The following SENP2 variants were observed in gnomAD, a reference collection of about 807,000 sequenced individuals.
SENP2 encodes sentrin-specific protease 2.
In SENP2, 16 loss-of-function variants were observed where a neutral mutation model predicts 86.3. The ratio of observed to expected loss-of-function variants is 0.19; its 90% CI spans 0.13 to 0.28. The LOEUF (loss-of-function observed/expected upper bound fraction) is 0.28, where lower values mean the gene tolerates loss of function less well. Among genes scored for constraint, SENP2 ranks in the 10% least tolerant of loss-of-function variants. The pLI, the probability that SENP2 is intolerant of heterozygous loss-of-function variation, is 1.00. For missense variants in SENP2, 552 were observed against 703.0 expected, an observed-to-expected ratio of 0.79 and a Z score of 2.43; for synonymous variants, 222 against 238.7, an observed-to-expected ratio of 0.93 and a Z score of 0.64.
chr3:185,597,350 G>GTTTA (rs1203779773), intron 2 of SENP2, among the ~76,000 whole-genome samples: 3 of 151,870 alleles, frequency 2.0e-5, no homozygotes, highest in South Asian at 2.1e-4. Context: ...TTATTTATTT[G>GTTTA]TTTATTTATT....
intron 8 of SENP2, 76 bp downstream of exon 8, chr3:185,611,821 T>C (rs1185278240): frequency 8.5e-6 from 9 of 1,062,802 alleles, no homozygotes; most frequent in African/African-American, 1.6e-5. Flanking sequence ...AGGTAGAAAA[T>C]TGACATTCAA....
intron 5 of SENP2, among the ~76,000 whole-genome samples, chr3:185,605,413 T>C (rs1269692360): frequency 6.6e-6 from 1 of 152,104 alleles, no homozygotes; most frequent in Non-Finnish European, 1.5e-5. Context: ...GATCATGGAT[T>C]ACCAACATCA....
intron 1 of SENP2, among the ~76,000 whole-genome samples, chr3:185,588,259 G>A (rs1243701556): frequency 3.4e-5 from 5 of 149,012 alleles, no homozygotes; most frequent in African/African-American, 9.9e-5. Context: ...GGGTTTCACC[G>A]TGGTCTCGAT....
intron 5 of SENP2, among the ~76,000 whole-genome samples, chr3:185,604,308 GTTTCT>G (rs1334434819): frequency 2.0e-5 from 3 of 152,006 alleles, no homozygotes; most frequent in East Asian, 1.9e-4. Flanking sequence ...GTATGATTTC[GTTTCT>G]TTTAAGTTTT....
Position 185,630,074 on chromosome 3 carries a change from A to T in SENP2, c.*230A>T. ...GCCTGCTCAGAGCTTTGGACTGTTC[A>T]ACCCACACAAGAACAAACGCTAACT... On this transcript the variant is annotated 3_prime_UTR_variant, in exon 17 of 17. Coordinates refer to ENST00000296257, the MANE Select transcript of SENP2 (RefSeq NM_021627.3). 3 of 448,304 alleles carry T rather than the reference A, an allele frequency of 6.7e-6. No homozygotes were observed. The highest frequency in any genetic ancestry group is 1.2e-5 in the Non-Finnish European group (3 of 246,556). The allele number at this position is 448,304 out of a possible 1,614,324, so 27.8% of individuals were successfully genotyped here. A position where few individuals can be genotyped will look rare whatever the true frequency, so the allele number is the denominator to read the frequency against.
At chr3:185,628,796 G>A (rs554645403) in intron 16 of SENP2, among the ~76,000 whole-genome samples, 43 of 152,286 alleles carry the variant, frequency 2.8e-4, no homozygotes, top group Non-Finnish European at 4.0e-4. Context: ...GTGAGCCACC[G>A]CGCCTGGCCA....
chr3:185,602,300 G>A (rs866974921), intron 5 of SENP2, among the ~76,000 whole-genome samples: 1 of 152,154 alleles, frequency 6.6e-6, no homozygotes, highest in Non-Finnish European at 1.5e-5. Context: ...GTAGGGCTAG[G>A]AAAGAAAGTA....
intron 5 of SENP2, among the ~76,000 whole-genome samples, chr3:185,605,387 G>A (rs894348734): frequency 4.0e-5 from 6 of 151,652 alleles, no homozygotes; most frequent in Non-Finnish European, 8.8e-5. Context: ...AAAAGAATAA[G>A]GGCATTCACT....
Position 185,619,429 on chromosome 3 carries a change from C to A in SENP2, c.1373C>A (p.Thr458Asn). The A allele has an allele frequency of 6.2e-7, 1 of 1,614,078 alleles. No individual in the cohort carries two copies. Among genetic ancestry groups the A allele is most frequent in the Non-Finnish European group, 8.5e-7 (1 of 1,179,992 alleles). Reference sequence around the variant, plus strand: ...GGTTACCAAGCAGTGAAACGATGGACCAAAGGGGTAAATCTCTTTGAACAA... The same window carrying A: ...GGTTACCAAGCAGTGAAACGATGGAACAAAGGGGTAAATCTCTTTGAACAA... ...SGGYQAVKRWTKGVNLFEQEI... is the reference protein window; with the variant it reads ...SGGYQAVKRWNKGVNLFEQEI... The change falls in exon 13 of 17, where the codon ACC (threonine) becomes AAC (asparagine). Residue 458 changes from threonine to asparagine, a missense_variant. Physicochemically the swap from Thr to Asn is moderately conservative, Grantham distance 65 (BLOSUM62 0). Transcript: ENST00000296257.
In SENP2 at chr3:185,590,149, C is replaced by T; in HGVS notation, c.137C>T (p.Pro46Leu). The change falls in exon 2 of 17, where the codon CCA becomes CTA. Residue 46 changes from proline (P) to leucine (L), a missense_variant. Pro to Leu is a moderately conservative substitution (Grantham distance 98). This residue lies in a region of SENP2 where 383 missense variants were observed against 427.3 expected (regional missense o/e 0.90). Coordinates refer to ENST00000296257, the MANE Select transcript of SENP2 (RefSeq NM_021627.3). ...TCTACAGTGGACACTGATGAAATACCAGCCAAAAGACCAAGATTAGGTACT... is the reference window on the plus strand; with the variant it reads ...TCTACAGTGGACACTGATGAAATACTAGCCAAAAGACCAAGATTAGGTACT... ...LFSTVDTDEI[P>L]AKRPRLDCFI... 1 of 1,550,038 alleles carries T rather than the reference C, an allele frequency of 6.5e-7. No homozygotes were observed. Among genetic ancestry groups the T allele is most frequent in the Non-Finnish European group, 8.7e-7 (1 of 1,147,434 alleles).
intron 7 of SENP2, among the ~76,000 whole-genome samples, chr3:185,611,049 GTGGGTCAC>G (rs1454579538): frequency 1.3e-5 from 2 of 152,240 alleles, no homozygotes; most frequent in African/African-American, 4.8e-5. Context: ...GCCGAGGCAG[GTGGGTCAC>G]TGGAGGTCAG....
intron 2 of SENP2, among the ~76,000 whole-genome samples, chr3:185,595,752 T>G (rs1320922337): frequency 6.6e-6 from 1 of 151,946 alleles, no homozygotes; most frequent in Admixed American, 6.6e-5. Context: ...CACTGAAACC[T>G]ACCCTTTCCT....
At chr3:185,590,281 G>T (rs11916386) in intron 2 of SENP2, 112 bp downstream of exon 2, 158,904 of 440,342 alleles carry the variant, frequency 0.36, 30,316 homozygotes, top group South Asian at 0.53. Context: ...TTGGCCGGGC[G>T]CAGTGGCTGT....
In SENP2 at chr3:185,600,049, G is replaced by A. The variant is rs544438420; in HGVS notation, c.359-716G>A. 5.3e-5 allele frequency among the ~76,000 whole-genome samples: 8 copies of A among 152,174 alleles called. No individual in the cohort carries two copies. The South Asian group carries it at 6.2e-4, about 12-fold the overall frequency. On this transcript the variant is annotated intron_variant, in intron 4 of 16. Transcript: ENST00000296257. ...CGACCTCAGGTGATCCGCCCACCTC[G>A]GCCTCCCAAAGTGCTGGGATTACAG...
rs1483632033 is a variant in SENP2 at position 185,624,026 on chromosome 3, A to G, written c.1555A>G (p.Lys519Glu). ...LQYLQDESKTKRNSDLNLLEW... is the reference protein window; with the variant it reads ...LQYLQDESKTERNSDLNLLEW... ...GTATTTACAGGATGAAAGTAAGACC[A>G]AAAGAAATAGTGATCTGAATCTTTT... The change falls in exon 15 of 17, where the codon AAA becomes GAA. Residue 519 changes from lysine to glutamate, a missense_variant. By Grantham distance (56) the Lys-to-Glu change is moderately conservative. Around this residue, in one of 2 missense-constraint regions of SENP2, gnomAD observed 169 missense variants for 275.7 expected, o/e 0.61. Coordinates refer to ENST00000296257, the MANE Select transcript of SENP2 (RefSeq NM_021627.3). The G allele has an allele frequency of 1.2e-6, 2 of 1,612,638 alleles. No individual in the cohort carries two copies. The highest frequency in any genetic ancestry group is 1.7e-6 in the Non-Finnish European group (2 of 1,179,180).
At position 185,619,899 on chromosome 3, in the gene SENP2, A is replaced by G. The variant is rs75353873; in HGVS notation, c.1446+397A>G. On this transcript the variant is annotated intron_variant, in intron 13 of 16. Transcript: ENST00000296257. ...TGGTCCACCATGCTTGCCTAATTTT[A>G]TTTATTTATATATTTGGAAAGATGG... 4.6e-5 allele frequency among the ~76,000 whole-genome samples: 7 copies of G among 151,466 alleles called. No individual in the cohort carries two copies. In the East Asian group the frequency reaches 1.4e-3, roughly 29 times the overall value.
rs749527063 is a variant in SENP2, at chr3:185,629,790, G to A, written c.1716G>A (p.Met572Ile). 3 of 1,614,186 alleles carry A rather than the reference G, an allele frequency of 1.9e-6. No homozygotes were observed. In the East Asian group the frequency reaches 6.7e-5, roughly 36 times the overall value. Residue 572 changes from methionine (M) to isoleucine (I), a missense_variant, in exon 17 of 17, where the codon ATG (methionine) becomes ATA (isoleucine). By Grantham distance (10) the Met-to-Ile change is conservative. Around this residue, in one of 2 missense-constraint regions of SENP2, gnomAD observed 169 missense variants for 275.7 expected, o/e 0.61. Coordinates refer to ENST00000296257, the MANE Select transcript of SENP2 (RefSeq NM_021627.3). Reference protein sequence around the residue: ...DKPITFTQHQMPLFRKKMVWE... With the variant: ...DKPITFTQHQIPLFRKKMVWE... ...TATGGGGTTCTTTGCAGCACCAGAT[G>A]CCTCTCTTCCGGAAGAAGATGGTGT...
intron 5 of SENP2, 65 bp downstream of exon 5, chr3:185,600,920 C>A: frequency 8.8e-7 from 1 of 1,139,854 alleles, no homozygotes; most frequent in Non-Finnish European, 1.3e-6. Context: ...TCTTGCTAGG[C>A]AGTCTCACTT....
intron 2 of SENP2, among the ~76,000 whole-genome samples, chr3:185,592,603 A>G (rs567337607): frequency 6.7e-6 from 1 of 149,098 alleles, no homozygotes; most frequent in South Asian, 2.2e-4. Context: ...TACAAAAATT[A>G]GTAAGACAGG....
Sources: gnomAD v4.1 joint callset for allele counts (sites outside exome capture counted in the v4.1 genomes callset) on GRCh38, gnomAD v4.1.1 for gene constraint, gnomAD v4.1.1 regional missense constraint, MANE v1.5 for transcripts, NCBI Gene and HGNC (gene_info 2026-07-23, HGNC 2026-07-21) for gene names.